SCAF8: variants seen among roughly 807,000 people sequenced by gnomAD.
SCAF8 encodes SR-related and CTD-associated factor 8.
A neutral mutation model predicts 140.5 loss-of-function variants in SCAF8; 23 were observed. The observed-to-expected ratio is 0.16, with a 90% confidence interval of 0.12 to 0.23. The LOEUF is 0.23. Among genes scored for constraint, SCAF8 ranks in the 10% least tolerant of loss-of-function variants. The pLI, the probability that SCAF8 is intolerant of heterozygous loss-of-function variation, is 1.00. For missense variants in SCAF8, 1,397 were observed against 1,555.7 expected (o/e 0.90, Z 1.72); for synonymous variants, 575 against 528.9 (o/e 1.09, Z -1.20).
intron 6 of SCAF8, among the ~76,000 whole-genome samples, chr6:154,799,339 C>T (rs1371899729): frequency 6.6e-6 from 1 of 151,142 alleles, no homozygotes; most frequent in Non-Finnish European, 1.5e-5. Flanking sequence ...TCTCAGACTC[C>T]TGGCCTCAAG....
chr6:154,792,374 C>T lies in SCAF8; in HGVS notation c.322-449C>T, dbSNP rs994238211. On this transcript the variant is annotated intron_variant, in intron 4 of 19. Transcript: ENST00000367178. ...TTGTAAAATGAAAGTTTTAAAATGT[C>T]ACATTAGATAAGGACTTTGTCCTAC... Among the ~76,000 whole-genome samples, 4 of 152,278 alleles carry T rather than the reference C, an allele frequency of 2.6e-5. No homozygotes were observed. The South Asian group carries it at 8.3e-4, about 32-fold the overall frequency.
intron 5 of SCAF8, among the ~76,000 whole-genome samples, chr6:154,794,226 G>T (rs1777518835): frequency 6.6e-6 from 1 of 151,974 alleles, no homozygotes. Context: ...CACTGTACCT[G>T]GCCCAAACAT....
intron 6 of SCAF8, among the ~76,000 whole-genome samples, chr6:154,795,831 T>C (rs908924527): frequency 3.9e-5 from 6 of 152,214 alleles, no homozygotes; most frequent in African/African-American, 1.4e-4. Context: ...GGTTTTTCCA[T>C]TGTATCTATA....
At chr6:154,818,450 C>A in intron 13 of SCAF8, 29 bp from the exon 14 acceptor site, 1 of 1,297,418 alleles carries the variant, frequency 7.7e-7, no homozygotes, top group Non-Finnish European at 1.1e-6. Context: ...TGTTCTTATA[C>A]CTTTTCTTAA....
chr6:154,813,166 C>T (rs1301895158), intron 12 of SCAF8, among the ~76,000 whole-genome samples: 1 of 152,068 alleles, frequency 6.6e-6, no homozygotes, highest in East Asian at 1.9e-4. Flanking sequence ...ATGATTGTGC[C>T]ACTGCACTCC....
chr6:154,805,131 C>T (rs117032729), intron 8 of SCAF8, among the ~76,000 whole-genome samples: 17 of 152,228 alleles, frequency 1.1e-4, no homozygotes, highest in Non-Finnish European at 2.5e-4. Flanking sequence ...AATATCAGAT[C>T]TTCAGCAGAG....
chr6:154,770,386 A>ACT lies in SCAF8; in HGVS notation c.31-3602_31-3601insTC, dbSNP rs1195298497. ...GGTTGAGGTACACACACACACACAC[A>ACT]CACTCTCTCTCTCTCTCTCTCTCTC... On this transcript the variant is annotated intron_variant, in intron 1 of 19. Transcript: ENST00000367178. Among the ~76,000 whole-genome samples, 986 of 133,388 alleles carry ACT rather than the reference A, an allele frequency of 7.4e-3. 6 individuals carry two copies. Among genetic ancestry groups the ACT allele is most frequent in the African/African-American group, 0.027 (868 of 31,752 alleles). The allele number at this position is 133,388 out of a possible 152,430, so 87.5% of individuals were successfully genotyped here.
chr6:154,784,123 A>ATATATGTG (rs1339618390), intron 3 of SCAF8, among the ~76,000 whole-genome samples: 148 of 18,358 alleles, frequency 8.1e-3, no homozygotes, highest in African/African-American at 0.041. Flanking sequence ...GTCTTGAGAT[A>ATATATGTG]TATATATATA....
At chr6:154,766,553 A>C (rs1032363450) in intron 1 of SCAF8, among the ~76,000 whole-genome samples, 5 of 151,024 alleles carry the variant, frequency 3.3e-5, no homozygotes, top group Non-Finnish European at 5.9e-5. Flanking sequence ...GTTTGGAAGC[A>C]CTCTTCTTCA....
chr6:154,750,147 C>G (rs1778803464), intron 1 of SCAF8, among the ~76,000 whole-genome samples: 2 of 151,622 alleles, frequency 1.3e-5, no homozygotes, highest in African/African-American at 2.4e-5. Context: ...TTTTTTCTCA[C>G]CAAGAATAAA....
chr6:154,820,436 A>G (rs1440014840), intron 15 of SCAF8, 103 bp downstream of exon 15: 2 of 917,648 alleles, frequency 2.2e-6, no homozygotes, highest in East Asian at 5.3e-5. Context: ...TCCTGGATTC[A>G]TCTCCCAAAA....
intron 6 of SCAF8, 41 bp from the exon 7 acceptor site, chr6:154,801,930 A>T (rs768317843): frequency 2.7e-6 from 4 of 1,465,022 alleles, no homozygotes; most frequent in Middle Eastern, 1.8e-4. Context: ...TACAGAAAAA[A>T]CCCAACACCT....
chr6:154,744,950 T>A (rs1383249658), intron 1 of SCAF8, among the ~76,000 whole-genome samples: 2 of 152,206 alleles, frequency 1.3e-5, no homozygotes, highest in Non-Finnish European at 2.9e-5. Flanking sequence ...TCTAAATAAC[T>A]CTGTGTATTT....
Position 154,822,284 on chromosome 6 carries a change from A to G in SCAF8, c.1801A>G (p.Thr601Ala), listed in dbSNP as rs745966811. The change falls in exon 16 of 20, where the codon ACT becomes GCT. Residue 601 changes from threonine (T) to alanine (A), a missense_variant. Physicochemically the swap from Thr to Ala is moderately conservative, Grantham distance 58. Transcript: ENST00000367178. ...TCAACTATTTTGTTTAGAGTGGGAAACTGTGAAAAGCTCAGAACCTGTTAA... is the reference window on the plus strand; with the variant it reads ...TCAACTATTTTGTTTAGAGTGGGAAGCTGTGAAAAGCTCAGAACCTGTTAA... Reference protein sequence around the residue: ...DQETVNTEWETVKSSEPVKET... With the variant: ...DQETVNTEWEAVKSSEPVKET... 1 of 1,606,926 alleles carries G rather than the reference A, an allele frequency of 6.2e-7. No individual in the cohort carries two copies. Among genetic ancestry groups the G allele is most frequent in the South Asian group, 1.1e-5 (1 of 89,586 alleles).
intron 3 of SCAF8, among the ~76,000 whole-genome samples, chr6:154,779,428 C>G (rs1379881826): frequency 5.3e-5 from 8 of 152,014 alleles, no homozygotes; most frequent in Non-Finnish European, 1.2e-4. Flanking sequence ...TCTAATTCAC[C>G]GAGTGTGGAG....
At chr6:154,788,996 C>G (rs1424123937) in intron 4 of SCAF8, among the ~76,000 whole-genome samples, 1 of 152,080 alleles carries the variant, frequency 6.6e-6, no homozygotes, top group Non-Finnish European at 1.5e-5. Context: ...AAGCTCACCA[C>G]AAATTATTCA....
At chr6:154,784,073 A>G (rs1232237991) in intron 3 of SCAF8, among the ~76,000 whole-genome samples, 1 of 149,824 alleles carries the variant, frequency 6.7e-6, no homozygotes, top group East Asian at 2.0e-4. Context: ...TCTCAAAAAA[A>G]TAAAAAGAAA....
At chr6:154,773,414 T>C (rs892363357) in intron 1 of SCAF8, among the ~76,000 whole-genome samples, 1 of 152,194 alleles carries the variant, frequency 6.6e-6, no homozygotes, top group Non-Finnish European at 1.5e-5. Context: ...TCATATTTCG[T>C]CGAATAGATA....
intron 3 of SCAF8, among the ~76,000 whole-genome samples, chr6:154,779,777 GTGTGTATATATATA>G (rs1304689627): frequency 4.4e-5 from 4 of 91,812 alleles, no homozygotes; most frequent in Admixed American, 2.4e-4. Flanking sequence ...GTGTGTGTGT[GTGTGTATATATATA>G]TATATATATA....
Sources: allele counts gnomAD v4.1 joint callset (sites outside exome capture counted in the v4.1 genomes callset), GRCh38; gene constraint gnomAD v4.1.1; transcripts MANE v1.5; gene names NCBI Gene and HGNC (gene_info 2026-07-23, HGNC 2026-07-21).